Variants in MYO9A observed in about 807,000 individuals in gnomAD.
MYO9A encodes the protein unconventional myosin-IXa.
MYO9A carries 103 observed loss-of-function variants against 293.3 expected under a neutral mutation model. The observed-to-expected ratio is 0.35, with a 90% CI of 0.30 to 0.41. The LOEUF (loss-of-function observed/expected upper bound fraction) is 0.41. Among genes scored for constraint, MYO9A ranks in the 10% least tolerant of loss-of-function variants. The pLI is 1.00. For missense variants in MYO9A, 2,685 were observed against 3,033.0 expected (o/e 0.89, Z 2.69); for synonymous variants, 1,001 against 1,035.7 (o/e 0.97, Z 0.64).
intron 34 of MYO9A, 44 bp downstream of exon 34, chr15:71,859,691 C>T: frequency 6.6e-7 from 1 of 1,513,766 alleles, no homozygotes; most frequent in East Asian, 2.3e-5. Flanking sequence ...GCACAAAAGA[C>T]CAACAGGTCT....
intron 25 of MYO9A, chr15:71,896,759 GAC>G (rs2057340351): frequency 6.6e-6 from 1 of 150,450 alleles, no homozygotes; most frequent in Non-Finnish European, 1.5e-5. Flanking sequence ...CAGCCTGGGT[GAC>G]AGAGTGAGAC....
chr15:72,104,646 T>C (rs2080505595), intron 1 of MYO9A, among the ~76,000 whole-genome samples: 1 of 152,230 alleles, frequency 6.6e-6, no homozygotes. Context: ...AATGATTCCC[T>C]AAACCAACTG....
chr15:72,097,778 C>T lies in MYO9A; in HGVS notation c.-72+19902G>A, dbSNP rs913239530. On this transcript the variant is annotated intron_variant, in intron 1 of 41. Transcript: ENST00000356056. ...TACAAAAATGAGCTGGGCATGGTGG[C>T]GTGCGCCTGTAGTCTCAGCTACTCA... Among the ~76,000 whole-genome samples, 10 of 152,144 alleles carry T rather than the reference C, an allele frequency of 6.6e-5. No homozygotes were observed. The South Asian group carries it at 1.0e-3, about 16-fold the overall frequency.
chr15:71,896,104 T>C (rs569024202), intron 25 of MYO9A, among the ~76,000 whole-genome samples: 2 of 152,312 alleles, frequency 1.3e-5, no homozygotes, highest in African/African-American at 2.4e-5. Flanking sequence ...GTGGGAATAA[T>C]ACTTAAAACT....
chr15:71,980,258 C>T (rs1432144958), intron 11 of MYO9A, among the ~76,000 whole-genome samples: 4 of 152,144 alleles, frequency 2.6e-5, no homozygotes, highest in Admixed American at 2.6e-4. Context: ...TGAGTGAAAA[C>T]ACAGGATTAT....
intron 1 of MYO9A, among the ~76,000 whole-genome samples, chr15:72,088,533 C>G (rs1430460137): frequency 6.6e-6 from 1 of 152,190 alleles, no homozygotes; most frequent in Non-Finnish European, 1.5e-5. Context: ...AATTTATAAT[C>G]TAACACATTT....
chr15:71,937,847 C>CT (rs1276310905), intron 16 of MYO9A, among the ~76,000 whole-genome samples: 4 of 152,114 alleles, frequency 2.6e-5, no homozygotes, highest in Admixed American at 2.0e-4. Context: ...GGTGAGAATA[C>CT]TGCCAACAGA....
intron 4 of MYO9A, among the ~76,000 whole-genome samples, chr15:72,024,021 G>A (rs150272786): frequency 7.9e-4 from 120 of 151,958 alleles, no homozygotes; most frequent in African/African-American, 2.7e-3. Flanking sequence ...GACAGATAAC[G>A]TATTCAAAAC....
chr15:71,895,889 A>C (rs1405980085), intron 25 of MYO9A, among the ~76,000 whole-genome samples: 1 of 152,156 alleles, frequency 6.6e-6, no homozygotes, highest in Non-Finnish European at 1.5e-5. Context: ...CTACTTTATA[A>C]GTGTATACAC....
In MYO9A at chr15:71,898,556, T is replaced by G; in HGVS notation, c.3947A>C (p.Gln1316Pro). ...ACTATCAGGTGTACCCCGTGGAGAC[T>G]GAAGGCCTTCAGGCACCAATTCTGT... ...WSTELVPEGL[Q>P]SPRGTPDSES... Residue 1316 changes from glutamine to proline, a missense_variant, in exon 25 of 42, where the codon CAG becomes CCG. Physicochemically the swap from Gln to Pro is moderately conservative, Grantham distance 76. This residue lies in a region of MYO9A where 1,434 missense variants were observed against 1,497.7 expected (regional missense o/e 0.96). Coordinates refer to ENST00000356056, the MANE Select transcript of MYO9A (RefSeq NM_006901.4). 6.2e-7 allele frequency: 1 copy of G among 1,614,112 alleles called. No individual in the cohort carries two copies.
rs540371824 is a variant in MYO9A, at chr15:71,825,197, T to A, written c.*1383A>T. The A allele has an allele frequency of 4.6e-5, 7 of 152,318 alleles. No homozygotes were observed. The East Asian group carries it at 1.3e-3, about 29-fold the overall frequency. 9.4% of individuals were successfully genotyped at this position (152,318 alleles called of 1,614,324 possible). A position where few individuals can be genotyped will look rare whatever the true frequency, so the allele number is the denominator to read the frequency against. On this transcript the variant is annotated 3_prime_UTR_variant, in exon 42 of 42. Transcript: ENST00000356056. The stretch of plus-strand genomic sequence containing the variant: ...AAGATACTTAAAATGCTATTATAAC[T>A]CATGTGTATGAAGACCACCCAGTGG...
At position 72,071,763 on chromosome 15, in the gene MYO9A, T is replaced by G. The variant is rs567573159; in HGVS notation, c.-71-25129A>C. ...CAGCGAGACTCCATCTCAAAAAAAA[T>G]AAAAATAAAAAAGAAATGTCAGTTA... On this transcript the variant is annotated intron_variant, in intron 1 of 41. Coordinates refer to ENST00000356056, the MANE Select transcript of MYO9A (RefSeq NM_006901.4). Among the ~76,000 whole-genome samples the G allele has an allele frequency of 1.4e-3, 195 of 141,080 alleles. 2 individuals are homozygous for G. The highest frequency in any genetic ancestry group is 4.7e-3 in the African/African-American group (179 of 37,730). The allele number at this position is 141,080 out of a possible 152,430, so 92.6% of individuals were successfully genotyped here.
At chr15:72,012,355 C>T (rs1199655776) in intron 6 of MYO9A, among the ~76,000 whole-genome samples, 3 of 152,074 alleles carry the variant, frequency 2.0e-5, no homozygotes, top group Non-Finnish European at 2.9e-5. Flanking sequence ...TGTGCAATGA[C>T]GCGATGTCTG....
chr15:72,048,435 G>A (rs2078457690), intron 1 of MYO9A, among the ~76,000 whole-genome samples: 1 of 151,932 alleles, frequency 6.6e-6, no homozygotes, highest in African/African-American at 2.4e-5. Context: ...AACTAGTGAG[G>A]AAAGGACAAA....
chr15:71,863,109 T>G (rs2056205102), intron 32 of MYO9A, among the ~76,000 whole-genome samples: 1 of 151,838 alleles, frequency 6.6e-6, no homozygotes, highest in South Asian at 2.1e-4. Flanking sequence ...TATATATTTT[T>G]TTTTACTAGT....
chr15:72,042,338 A>T (rs1019285080), intron 2 of MYO9A, among the ~76,000 whole-genome samples: 3 of 152,150 alleles, frequency 2.0e-5, no homozygotes, highest in Non-Finnish European at 4.4e-5. Flanking sequence ...ACTCTCAAAA[A>T]AAATTTTTTT....
At chr15:72,007,256 T>C (rs2077042493) in intron 8 of MYO9A, among the ~76,000 whole-genome samples, 1 of 151,620 alleles carries the variant, frequency 6.6e-6, no homozygotes, top group Non-Finnish European at 1.5e-5. Flanking sequence ...TGAGAAGGGG[T>C]AGGCAAGAGA....
At chr15:72,095,120 ATGAT>A (rs921057952) in intron 1 of MYO9A, among the ~76,000 whole-genome samples, 4 of 92,546 alleles carry the variant, frequency 4.3e-5, no homozygotes, top group African/African-American at 1.0e-4. Flanking sequence ...AAAACCTAGA[ATGAT>A]TAGGCTTAGT....
rs769738565 is a variant in MYO9A at position 72,046,184 on chromosome 15, A to G, written c.380T>C (p.Val127Ala). The change falls in exon 2 of 42, where the codon GTA (valine) becomes GCA (alanine). Residue 127 changes from valine to alanine, a missense_variant. Coordinates refer to ENST00000356056, the MANE Select transcript of MYO9A (RefSeq NM_006901.4). The part of the protein sequence containing the change: ...HYGSLQSWLR[V>A]TEERRRMMER... ...CATCATCCTGCGACGTTCTTCTGTT[A>G]CCCGTAGCCATGACTGCAGGCTACC... 1 of 1,613,980 alleles carries G rather than the reference A, an allele frequency of 6.2e-7. No individual in the cohort carries two copies. Among genetic ancestry groups the G allele is most frequent in the East Asian group, 2.2e-5 (1 of 44,886 alleles).
Sources: allele counts gnomAD v4.1 joint callset (sites outside exome capture counted in the v4.1 genomes callset), GRCh38; gene constraint gnomAD v4.1.1; regional missense constraint gnomAD v4.1.1; transcripts MANE v1.5; gene names NCBI Gene and HGNC (gene_info 2026-07-23, HGNC 2026-07-21).